The following CDIN1 variants were observed in gnomAD, a reference collection of about 807,000 sequenced individuals.
CDIN1 encodes the protein CDAN1 interacting nuclease 1.
CDIN1 carries 33 observed loss-of-function variants against 45.3 expected under a neutral mutation model. That is an observed-to-expected ratio of 0.73 (90% CI 0.55 to 0.97). The LOEUF (loss-of-function observed/expected upper bound fraction) is 0.97. CDIN1 is among the 50% of genes least tolerant of loss of function. CDIN1 has a pLI of 0.00. For missense variants in CDIN1, 303 were observed against 339.4 expected (o/e 0.89, Z 0.84); for synonymous variants, 118 against 124.4 (o/e 0.95, Z 0.34).
At chr15:36,737,166 TC>T (rs2044057190) in intron 10 of CDIN1, among the ~76,000 whole-genome samples, 1 of 126,930 alleles carries the variant, frequency 7.9e-6, no homozygotes. Context: ...AGACCCGGTC[TC>T]AAAAAAAAAA....
At chr15:36,658,406 G>A (rs2040862713) in intron 5 of CDIN1, 1 of 152,258 alleles carries the variant, frequency 6.6e-6, no homozygotes, top group African/African-American at 2.4e-5. Flanking sequence ...AATACATTTT[G>A]TTATTTTCTC....
At chr15:36,598,982 G>A (rs992976841) in intron 1 of CDIN1, among the ~76,000 whole-genome samples, 2 of 152,156 alleles carry the variant, frequency 1.3e-5, no homozygotes, top group African/African-American at 4.8e-5. Context: ...CCAGCTGTAC[G>A]CTGTATTGCC....
chr15:36,800,909 G>GTGTATGTATATATA (rs1156514805), intron 10 of CDIN1, among the ~76,000 whole-genome samples: 1 of 22,374 alleles, frequency 4.5e-5, no homozygotes. Flanking sequence ...GTGTGTGTGT[G>GTGTATGTATATATA]TATATATATA....
At chr15:36,596,817 C>T (rs1023632414) in intron 1 of CDIN1, among the ~76,000 whole-genome samples, 1 of 151,800 alleles carries the variant, frequency 6.6e-6, no homozygotes. Flanking sequence ...ACAAAAAAAA[C>T]CCAGAATATG....
intron 1 of CDIN1, chr15:36,617,763 A>G (rs759599516): frequency 1.2e-6 from 1 of 811,988 alleles, no homozygotes; most frequent in Non-Finnish European, 2.2e-6. Flanking sequence ...AACTGCCCCA[A>G]AGTGATAAGT....
At chr15:36,751,400 A>G (rs983875533) in intron 10 of CDIN1, among the ~76,000 whole-genome samples, 1 of 151,616 alleles carries the variant, frequency 6.6e-6, no homozygotes, top group Non-Finnish European at 1.5e-5. Context: ...AAGACTCTAA[A>G]GTTAATGTGA....
chr15:36,613,675 G>A (rs1026486958), intron 1 of CDIN1: 24 of 1,449,102 alleles, frequency 1.7e-5, no homozygotes, highest in Non-Finnish European at 2.1e-5. Flanking sequence ...GTGCTCAGGA[G>A]CGCCTGGCTA....
intron 3 of CDIN1, 108 bp from the exon 4 acceptor site, chr15:36,653,990 G>A: frequency 1.3e-6 from 1 of 755,678 alleles, no homozygotes; most frequent in Non-Finnish European, 2.2e-6. Flanking sequence ...AACTAGAGTT[G>A]AGCGTGGCAT....
chr15:36,662,792 C>T (rs62002322), intron 5 of CDIN1, among the ~76,000 whole-genome samples: 18,734 of 150,156 alleles, frequency 0.12, 1,171 homozygotes, highest in Middle Eastern at 0.17. Context: ...CATGTGTGTA[C>T]GTAACACAAA....
intron 1 of CDIN1, 95 bp from the exon 2 acceptor site, chr15:36,644,183 A>G: frequency 2.6e-6 from 3 of 1,154,034 alleles, no homozygotes; most frequent in South Asian, 1.3e-5. Flanking sequence ...CTGTTAGATT[A>G]CAGGGCAGCA....
intron 1 of CDIN1, among the ~76,000 whole-genome samples, chr15:36,610,757 C>G (rs1238418666): frequency 1.3e-5 from 2 of 152,172 alleles, no homozygotes; most frequent in African/African-American, 4.8e-5. Flanking sequence ...TTAAGAGAAC[C>G]TGTAACATCT....
chr15:36,791,704 A>G (rs1005981725), intron 10 of CDIN1, among the ~76,000 whole-genome samples: 1 of 152,084 alleles, frequency 6.6e-6, no homozygotes, highest in Admixed American at 6.6e-5. Context: ...AGTTAGGCAT[A>G]TTTATCTTCC....
intron 10 of CDIN1, among the ~76,000 whole-genome samples, chr15:36,720,192 C>T (rs1005744542): frequency 2.0e-5 from 3 of 149,918 alleles, no homozygotes; most frequent in Non-Finnish European, 4.4e-5. Flanking sequence ...AGGTGGAAAA[C>T]TGAAGTTGTT....
At chr15:36,649,019 T>TA (rs1374157113) in intron 3 of CDIN1, among the ~76,000 whole-genome samples, 1 of 152,246 alleles carries the variant, frequency 6.6e-6, no homozygotes, top group Admixed American at 6.5e-5. Flanking sequence ...TTTGAGGTTG[T>TA]ATTTATCTTT....
chr15:36,795,993 A>G (rs1043153430), intron 10 of CDIN1, among the ~76,000 whole-genome samples: 2 of 152,002 alleles, frequency 1.3e-5, no homozygotes, highest in Admixed American at 6.6e-5. Flanking sequence ...CACGTTTCCT[A>G]CCCCTCAGTT....
At chr15:36,765,803 G>T (rs564517789) in intron 10 of CDIN1, among the ~76,000 whole-genome samples, 1 of 152,264 alleles carries the variant, frequency 6.6e-6, no homozygotes, top group African/African-American at 2.4e-5. Context: ...ATCTACTCAT[G>T]AAACCATTGC....
intron 7 of CDIN1, among the ~76,000 whole-genome samples, chr15:36,695,114 G>A (rs1288607056): frequency 6.6e-6 from 1 of 152,188 alleles, no homozygotes; most frequent in Non-Finnish European, 1.5e-5. Flanking sequence ...GGCATGTTTT[G>A]CTGGAACATA....
intron 1 of CDIN1, among the ~76,000 whole-genome samples, chr15:36,606,571 C>G (rs1051861277): frequency 6.6e-6 from 1 of 152,082 alleles, no homozygotes; most frequent in Non-Finnish European, 1.5e-5. Flanking sequence ...GAAAAATCAT[C>G]CAAAATAAGC....
At chr15:36,647,970 G>A (rs2040408494) in intron 3 of CDIN1, among the ~76,000 whole-genome samples, 1 of 151,972 alleles carries the variant, frequency 6.6e-6, no homozygotes, top group African/African-American at 2.4e-5. Context: ...CTCCTGGGTG[G>A]CTGGGACTAC....
Sources: gnomAD v4.1 joint callset for allele counts (sites outside exome capture counted in the v4.1 genomes callset) on GRCh38, gnomAD v4.1.1 for gene constraint, MANE v1.5 for transcripts, NCBI Gene and HGNC (gene_info 2026-07-23, HGNC 2026-07-21) for gene names.